DHRSX: variants seen among roughly 807,000 people sequenced by gnomAD.
DHRSX encodes the protein polyprenol dehydrogenase.
A neutral mutation model predicts 34.0 loss-of-function variants in DHRSX; 31 were observed. The ratio of observed to expected loss-of-function variants is 0.91; its 90% CI spans 0.69 to 1.23. The LOEUF (loss-of-function observed/expected upper bound fraction) is 1.23, where lower values mean the gene tolerates loss of function less well. Ranked by LOEUF, DHRSX falls within the 50% of genes most tolerant of loss-of-function variation. The pLI is 0.00. For missense variants in DHRSX, 414 were observed against 428.1 expected, an observed-to-expected ratio of 0.97 and a Z score of 0.29; for synonymous variants, 201 against 183.8, an observed-to-expected ratio of 1.09 and a Z score of -0.76.
chrX:2,481,471 G>C (rs2044769578), intron 1 of DHRSX, among the ~76,000 whole-genome samples: 1 of 152,004 alleles, frequency 6.6e-6, no homozygotes, highest in Non-Finnish European at 1.5e-5. Context: ...TTCCAGACCA[G>C]CTTTACCAAT....
chrX:2,484,880 G>T (rs909553191), intron 1 of DHRSX, among the ~76,000 whole-genome samples: 1 of 141,754 alleles, frequency 7.1e-6, no homozygotes, highest in Admixed American at 7.0e-5. Flanking sequence ...ACGAGCAAAT[G>T]AACGTCACCA....
chrX:2,335,112 G>A (rs1480357201), intron 3 of DHRSX, among the ~76,000 whole-genome samples: 1 of 150,992 alleles, frequency 6.6e-6, no homozygotes, highest in Non-Finnish European at 1.5e-5. Context: ...TGGAACCAGG[G>A]AGGTGGAGGT....
intron 4 of DHRSX, among the ~76,000 whole-genome samples, chrX:2,268,662 G>A (rs1459848797): frequency 6.6e-5 from 10 of 152,152 alleles, no homozygotes; most frequent in Admixed American, 1.3e-4. Flanking sequence ...GTTTGCATGT[G>A]TACACATTTA....
chrX:2,435,921 G>A (rs1185961443), intron 1 of DHRSX, among the ~76,000 whole-genome samples: 2 of 152,186 alleles, frequency 1.3e-5, no homozygotes, highest in African/African-American at 4.8e-5. Flanking sequence ...GGGGCTGGGC[G>A]CAGTGGCTCA....
At chrX:2,293,238 G>C (rs1484954244) in intron 3 of DHRSX, among the ~76,000 whole-genome samples, 1 of 146,402 alleles carries the variant, frequency 6.8e-6, no homozygotes, top group Non-Finnish European at 1.5e-5. Flanking sequence ...TGATGTGTTT[G>C]ATTGTGTTAA....
At chrX:2,420,412 AAATAAT>A (rs998310916) in intron 2 of DHRSX, among the ~76,000 whole-genome samples, 4 of 139,162 alleles carry the variant, frequency 2.9e-5, no homozygotes, top group East Asian at 2.2e-4. Context: ...CCATCTCAAA[AAATAAT>A]AATAATAATA....
At chrX:2,453,672 A>C (rs947151704) in intron 1 of DHRSX, among the ~76,000 whole-genome samples, 2 of 152,142 alleles carry the variant, frequency 1.3e-5, no homozygotes, top group African/African-American at 4.8e-5. Context: ...TGTCTCAAAA[A>C]ATACATAAAT....
At chrX:2,291,247 C>A (rs1472036603) in intron 4 of DHRSX, among the ~76,000 whole-genome samples, 1 of 152,128 alleles carries the variant, frequency 6.6e-6, no homozygotes, top group Non-Finnish European at 1.5e-5. Flanking sequence ...ACCCTTTAGT[C>A]CAAGTGGACA....
intron 1 of DHRSX, among the ~76,000 whole-genome samples, chrX:2,475,860 A>G (rs1339446295): frequency 1.3e-5 from 2 of 152,198 alleles, no homozygotes; most frequent in Admixed American, 6.5e-5. Context: ...CTAGCCACAA[A>G]CCCAGCTAGG....
rs545546149 is a variant in DHRSX at position 2,257,728 on chromosome X, C to T, written c.596+9012G>A. Among the ~76,000 whole-genome samples, 25 of 152,204 alleles carry T rather than the reference C, an allele frequency of 1.6e-4. No individual in the cohort carries two copies. The South Asian group carries it at 4.6e-3, about 28-fold the overall frequency. On this transcript the variant is annotated intron_variant, in intron 5 of 6. Coordinates refer to ENST00000334651, the MANE Select transcript of DHRSX (RefSeq NM_145177.3). ...GCAACCTCCGCCTCCCGGGTTCAAG[C>T]GATTCTCCTGCCTCAGCCTCCCCAG...
intron 4 of DHRSX, among the ~76,000 whole-genome samples, chrX:2,285,261 G>A (rs1052937513): frequency 6.6e-6 from 1 of 152,090 alleles, no homozygotes; most frequent in Non-Finnish European, 1.5e-5. Context: ...ATCAGTGGGA[G>A]CCCTGAGCTT....
intron 1 of DHRSX, among the ~76,000 whole-genome samples, chrX:2,429,087 T>A (rs186040108): frequency 1.3e-5 from 2 of 152,204 alleles, no homozygotes; most frequent in African/African-American, 4.8e-5. Context: ...GTTTTCCATA[T>A]GCTTAGGTTT....
chrX:2,491,075 T>TG (rs1367580248), intron 1 of DHRSX, among the ~76,000 whole-genome samples: 1 of 126,474 alleles, frequency 7.9e-6, no homozygotes. Flanking sequence ...AGTTTTTTTT[T>TG]TTTTTTTTTT....
intron 6 of DHRSX, among the ~76,000 whole-genome samples, chrX:2,225,459 T>C (rs937421891): frequency 3.5e-4 from 53 of 152,176 alleles, no homozygotes; most frequent in Admixed American, 1.1e-3. Flanking sequence ...AACATGCTTA[T>C]ATATTCATTT....
intron 1 of DHRSX, among the ~76,000 whole-genome samples, chrX:2,428,461 T>A (rs951172335): frequency 1.3e-5 from 2 of 152,166 alleles, no homozygotes; most frequent in Non-Finnish European, 2.9e-5. Flanking sequence ...TGGGTTCATG[T>A]CCTTTGCAGG....
intron 1 of DHRSX, among the ~76,000 whole-genome samples, chrX:2,428,562 T>G (rs921172051): frequency 1.2e-4 from 18 of 151,214 alleles, no homozygotes; most frequent in African/African-American, 4.4e-4. Context: ...CAAGTGGGAG[T>G]TGAACAATGA....
chrX:2,341,265 C>G (rs2042636441), intron 3 of DHRSX, among the ~76,000 whole-genome samples: 1 of 152,090 alleles, frequency 6.6e-6, no homozygotes, highest in African/African-American at 2.4e-5. Flanking sequence ...GGGATGGGAC[C>G]ACTGTAACCC....
chrX:2,451,159 G>T (rs1250615390), intron 1 of DHRSX, among the ~76,000 whole-genome samples: 1 of 151,912 alleles, frequency 6.6e-6, no homozygotes, highest in Admixed American at 6.6e-5. Context: ...CTTGAACCCG[G>T]GAGGCGGAGG....
chrX:2,358,439 T>C (rs1429320201), intron 3 of DHRSX, among the ~76,000 whole-genome samples: 1 of 152,158 alleles, frequency 6.6e-6, no homozygotes, highest in Non-Finnish European at 1.5e-5. Context: ...GGCTCACACC[T>C]GTCATCCCAG....
Sources: gnomAD v4.1 joint callset for allele counts (sites outside exome capture counted in the v4.1 genomes callset) on GRCh38, gnomAD v4.1.1 for gene constraint, MANE v1.5 for transcripts, NCBI Gene and HGNC (gene_info 2026-07-23, HGNC 2026-07-21) for gene names.